The following BICDL1 variants were observed in gnomAD, a reference collection of about 807,000 sequenced individuals.
BICDL1 encodes BICD family-like cargo adapter 1.
BICDL1 carries 20 observed loss-of-function variants against 76.8 expected under a neutral mutation model. The ratio of observed to expected loss-of-function variants is 0.26; its 90% confidence interval spans 0.18 to 0.38. The LOEUF is 0.38. Ranked by LOEUF, BICDL1 falls within the 10% of genes least tolerant of loss-of-function variation. The pLI is 1.00. For synonymous variants in BICDL1, 383 were observed against 337.1 expected (o/e 1.14, Z -1.49); for missense variants, 700 against 798.6 (o/e 0.88, Z 1.49).
At chr12:120,031,893 C>A (rs1324992270) in intron 2 of BICDL1, among the ~76,000 whole-genome samples, 1 of 152,036 alleles carries the variant, frequency 6.6e-6, no homozygotes, top group Non-Finnish European at 1.5e-5. Context: ...GAGTTTGAGA[C>A]CAGCTTGGGC....
At chr12:120,036,298 A>G (rs1952529476) in intron 2 of BICDL1, among the ~76,000 whole-genome samples, 1 of 152,212 alleles carries the variant, frequency 6.6e-6, no homozygotes, top group Non-Finnish European at 1.5e-5. Flanking sequence ...AGGTGTAACC[A>G]TGGAAGGTGA....
intron 3 of BICDL1, 43 bp from the exon 4 acceptor site, chr12:120,064,690 G>C: frequency 6.4e-7 from 1 of 1,559,722 alleles, no homozygotes; most frequent in Admixed American, 2.0e-5. Flanking sequence ...TTGTCAGCCC[G>C]GGTGTAACTC....
chr12:120,070,454 C>T (rs563111846), intron 4 of BICDL1, among the ~76,000 whole-genome samples: 1 of 152,288 alleles, frequency 6.6e-6, no homozygotes, highest in South Asian at 2.1e-4. Flanking sequence ...TCATAACATC[C>T]ATTTCCTTTT....
At chr12:119,993,301 A>C (rs528619557) in intron 1 of BICDL1, 1 of 152,214 alleles carries the variant, frequency 6.6e-6, no homozygotes, top group South Asian at 2.1e-4. Flanking sequence ...GGCATTTTCA[A>C]GATCTTTTCT....
chr12:120,021,970 AAAAT>A (rs1234855026), intron 2 of BICDL1, among the ~76,000 whole-genome samples: 19 of 149,700 alleles, frequency 1.3e-4, no homozygotes, highest in Non-Finnish European at 2.5e-4. Flanking sequence ...AAAATATAAA[AAAAT>A]AAATAAAAAT....
At chr12:119,997,234 C>T (rs1234164430) in intron 1 of BICDL1, among the ~76,000 whole-genome samples, 2 of 152,220 alleles carry the variant, frequency 1.3e-5, no homozygotes, top group Admixed American at 6.5e-5. Flanking sequence ...GCGTGTGCCA[C>T]CGCGCCTGGC....
intron 2 of BICDL1, among the ~76,000 whole-genome samples, chr12:120,045,936 A>AT (rs1318559939): frequency 6.6e-6 from 1 of 151,914 alleles, no homozygotes; most frequent in Non-Finnish European, 1.5e-5. Flanking sequence ...AATAATAATA[A>AT]AAAGAAAGTA....
At chr12:120,022,783 G>A (rs934477956) in intron 2 of BICDL1, among the ~76,000 whole-genome samples, 40 of 152,086 alleles carry the variant, frequency 2.6e-4, no homozygotes, top group African/African-American at 7.7e-4. Flanking sequence ...GACTTTCAAA[G>A]CTGTAGCACC....
At chr12:120,044,534 C>T (rs1415178759) in intron 2 of BICDL1, among the ~76,000 whole-genome samples, 1 of 152,184 alleles carries the variant, frequency 6.6e-6, no homozygotes. Flanking sequence ...CCTAGCCTTC[C>T]TGTTTATTAC....
intron 3 of BICDL1, 102 bp downstream of exon 3, chr12:120,061,928 CA>C: frequency 1.4e-6 from 1 of 726,468 alleles, no homozygotes; most frequent in South Asian, 1.6e-5. Context: ...TACAGAAAGA[CA>C]TTTCTGTGCG....
At chr12:120,055,124 C>G (rs1347145026) in intron 2 of BICDL1, among the ~76,000 whole-genome samples, 1 of 152,196 alleles carries the variant, frequency 6.6e-6, no homozygotes, top group Non-Finnish European at 1.5e-5. Flanking sequence ...CATTATCCAT[C>G]ATGCCCTGGC....
chr12:120,048,058 T>A (rs1952782371), intron 2 of BICDL1, among the ~76,000 whole-genome samples: 1 of 152,224 alleles, frequency 6.6e-6, no homozygotes, highest in South Asian at 2.1e-4. Flanking sequence ...CTGAAATTTG[T>A]TATGATTATT....
chr12:120,011,310 T>A (rs1341092564), intron 2 of BICDL1, among the ~76,000 whole-genome samples: 1 of 152,166 alleles, frequency 6.6e-6, no homozygotes, highest in Non-Finnish European at 1.5e-5. Context: ...GTAGACCAGC[T>A]TTTTGCCCAG....
At chr12:119,996,911 C>G (rs1460966199) in intron 1 of BICDL1, among the ~76,000 whole-genome samples, 1 of 151,700 alleles carries the variant, frequency 6.6e-6, no homozygotes, top group Non-Finnish European at 1.5e-5. Flanking sequence ...AGAACATACT[C>G]TTTTCAGAGG....
intron 7 of BICDL1, among the ~76,000 whole-genome samples, chr12:120,076,101 A>G (rs111402908): frequency 2.8e-3 from 430 of 152,334 alleles, no homozygotes; most frequent in Middle Eastern, 0.017. Flanking sequence ...GGAGGTTGCA[A>G]TGAGTTGAGA....
chr12:120,042,490 T>C (rs929132644), intron 2 of BICDL1, among the ~76,000 whole-genome samples: 1 of 151,956 alleles, frequency 6.6e-6, no homozygotes, highest in African/African-American at 2.4e-5. Flanking sequence ...GTGGATGTGG[T>C]AAGTAGGCAG....
At chr12:120,036,306 T>C (rs12307887) in intron 2 of BICDL1, among the ~76,000 whole-genome samples, 13,100 of 152,232 alleles carry the variant, frequency 0.086, 685 homozygotes, top group African/African-American at 0.14. Flanking sequence ...CCATGGAAGG[T>C]GATTTCAAGA....
chr12:120,008,664 T>C (rs1448659030), intron 2 of BICDL1, among the ~76,000 whole-genome samples: 1 of 152,228 alleles, frequency 6.6e-6, no homozygotes, highest in African/African-American at 2.4e-5. Flanking sequence ...TTGGTTGATA[T>C]TTGCTGGGTG....
chr12:119,989,861 C>A lies in BICDL1; in HGVS notation c.-8C>A. On this transcript the variant is annotated 5_prime_UTR_variant, in exon 1 of 10. Transcript: ENST00000548673. Reference sequence around the variant, plus strand: ...GCCGCACCGCTGCGGGCTCCGCGCGCGCGGGCCATGTCCGCTTTCTGCCTG... The same window carrying A: ...GCCGCACCGCTGCGGGCTCCGCGCGAGCGGGCCATGTCCGCTTTCTGCCTG... 4.5e-6 allele frequency: 6 copies of A among 1,345,884 alleles called. No individual in the cohort carries two copies. The highest frequency in any genetic ancestry group is 4.7e-6 in the Non-Finnish European group (5 of 1,060,150). The allele number at this position is 1,345,884 out of a possible 1,614,324, so 83.4% of individuals were successfully genotyped here.
Sources: gnomAD v4.1 joint callset for allele counts (sites outside exome capture counted in the v4.1 genomes callset) on GRCh38, gnomAD v4.1.1 for gene constraint, MANE v1.5 for transcripts, NCBI Gene and HGNC (gene_info 2026-07-23, HGNC 2026-07-21) for gene names.